The following TENM3 variants were observed in gnomAD, a reference collection of about 807,000 sequenced individuals.
TENM3 encodes the protein teneurin transmembrane protein 3, also known as teneurin-3.
A neutral mutation model predicts 255.1 loss-of-function variants in TENM3; 63 were observed. The ratio of observed to expected loss-of-function variants is 0.25; its 90% CI spans 0.20 to 0.30. The LOEUF (loss-of-function observed/expected upper bound fraction) is 0.30, where lower values mean the gene tolerates loss of function less well. Among genes scored for constraint, TENM3 ranks in the 10% least tolerant of loss-of-function variants. The pLI is 1.00. For missense variants in TENM3, 2,929 were observed against 3,461.1 expected, an observed-to-expected ratio of 0.85 and a Z score of 3.86; for synonymous variants, 1,306 against 1,322.3, an observed-to-expected ratio of 0.99 and a Z score of 0.27.
chr4:182,226,719 T>C (rs1379709974), intron 1 of TENM3, among the ~76,000 whole-genome samples: 1 of 152,154 alleles, frequency 6.6e-6, no homozygotes, highest in Non-Finnish European at 1.5e-5. Flanking sequence ...ACCCAGTCAT[T>C]ACTCCAAATG....
intron 3 of TENM3, among the ~76,000 whole-genome samples, chr4:182,502,182 A>G (rs1320815061): frequency 6.6e-6 from 1 of 152,082 alleles, no homozygotes; most frequent in Non-Finnish European, 1.5e-5. Context: ...TTCCTTGATT[A>G]TATTCTGCTT....
Position 182,222,162 on chromosome 4 carries a change from A to G in TENM3, c.-76+77408A>G, listed in dbSNP as rs150582393. 7.7e-3 allele frequency among the ~76,000 whole-genome samples: 1,168 copies of G among 152,288 alleles called. 6 individuals carry two copies. Among genetic ancestry groups the G allele is most frequent in the Non-Finnish European group, 0.013 (906 of 68,018 alleles). On this transcript the variant is annotated intron_variant, in intron 1 of 2. Transcript: ENST00000512480. Reference sequence around the variant, plus strand: ...GGAGTTTTCTACTGCATTTTTGCCAATTGAATTATGATGTGAGATGGTATG... The same window carrying G: ...GGAGTTTTCTACTGCATTTTTGCCAGTTGAATTATGATGTGAGATGGTATG...
chr4:182,360,271 A>G (rs1765867635), intron 3 of TENM3, among the ~76,000 whole-genome samples: 1 of 126,692 alleles, frequency 7.9e-6, no homozygotes, highest in South Asian at 3.1e-4. Context: ...ATTCCTGGGT[A>G]TCCTTGTTGA....
At chr4:182,671,910 C>T (rs1200623035) in intron 6 of TENM3, among the ~76,000 whole-genome samples, 3 of 151,980 alleles carry the variant, frequency 2.0e-5, no homozygotes, top group Non-Finnish European at 2.9e-5. Context: ...GAGACGAGGT[C>T]TCACTGTGTT....
chr4:182,388,362 A>C (rs1015481895), intron 3 of TENM3, among the ~76,000 whole-genome samples: 2 of 152,214 alleles, frequency 1.3e-5, no homozygotes, highest in African/African-American at 4.8e-5. Context: ...AAAAATAATA[A>C]TATAATAAAC....
the TENM3 span, among the ~76,000 whole-genome samples, chr4:181,823,297 T>C: frequency 1.3e-5 from 2 of 152,152 alleles, no homozygotes; most frequent in Non-Finnish European, 2.9e-5. Context: ...ATTACCTGCG[T>C]TGCCTTCTAA....
chr4:182,385,361 T>C (rs572512359), intron 3 of TENM3, among the ~76,000 whole-genome samples: 39 of 144,796 alleles, frequency 2.7e-4, no homozygotes, highest in African/African-American at 9.7e-4. Flanking sequence ...GCCTCCCAGA[T>C]TCAAGCGATT....
the TENM3 span, among the ~76,000 whole-genome samples, chr4:181,895,104 C>T: frequency 6.6e-6 from 1 of 151,818 alleles, no homozygotes; most frequent in Non-Finnish European, 1.5e-5. Flanking sequence ...AACATTCATT[C>T]ATTTCATTCT....
intron 3 of TENM3, among the ~76,000 whole-genome samples, chr4:182,389,687 G>A (rs1255646043): frequency 8.0e-5 from 2 of 24,898 alleles, no homozygotes; most frequent in Admixed American, 7.3e-4. Context: ...TGCAGTAGAT[G>A]ACTCTTTTTT....
the TENM3 span, among the ~76,000 whole-genome samples, chr4:181,460,132 G>T: frequency 6.6e-6 from 1 of 151,804 alleles, no homozygotes; most frequent in African/African-American, 2.4e-5. Context: ...CAAATACATA[G>T]AAATACAATT....
At chr4:182,133,089 A>C in the TENM3 span, among the ~76,000 whole-genome samples, 1 of 152,204 alleles carries the variant, frequency 6.6e-6, no homozygotes, top group Non-Finnish European at 1.5e-5. Flanking sequence ...ACAACATCAA[A>C]AGAAAGACTT....
intron 2 of TENM3, among the ~76,000 whole-genome samples, chr4:182,345,729 A>C (rs144645872): frequency 3.3e-4 from 51 of 152,318 alleles, no homozygotes; most frequent in African/African-American, 1.2e-3. Flanking sequence ...GTCATTTTAA[A>C]GTGTCACCTA....
At chr4:181,656,125 G>T in the TENM3 span, among the ~76,000 whole-genome samples, 1 of 152,082 alleles carries the variant, frequency 6.6e-6, no homozygotes, top group African/African-American at 2.4e-5. Flanking sequence ...TCATTGTAAC[G>T]GCGAGCCTTG....
intron 1 of TENM3, among the ~76,000 whole-genome samples, chr4:182,159,007 C>T (rs1750906646): frequency 6.6e-6 from 1 of 152,176 alleles, no homozygotes; most frequent in Non-Finnish European, 1.5e-5. Flanking sequence ...TAGAGAAGCC[C>T]TCAAATCCCA....
chr4:182,498,353 C>T (rs921900898), intron 3 of TENM3, among the ~76,000 whole-genome samples: 1 of 152,122 alleles, frequency 6.6e-6, no homozygotes, highest in African/African-American at 2.4e-5. Context: ...TGCACTTCAT[C>T]ATTCGTCTTC....
At chr4:181,933,599 T>C in the TENM3 span, among the ~76,000 whole-genome samples, 1 of 152,210 alleles carries the variant, frequency 6.6e-6, no homozygotes, top group East Asian at 1.9e-4. Context: ...TAGGTCTATC[T>C]AGCATCTTCC....
the TENM3 span, among the ~76,000 whole-genome samples, chr4:181,868,429 T>G: frequency 6.6e-6 from 1 of 152,196 alleles, no homozygotes; most frequent in African/African-American, 2.4e-5. Flanking sequence ...ATTTTCTATT[T>G]ATGTAACAGC....
At chr4:182,769,785 A>T (rs944358740) in intron 22 of TENM3, among the ~76,000 whole-genome samples, 1 of 148,308 alleles carries the variant, frequency 6.7e-6, no homozygotes, top group East Asian at 2.0e-4. Flanking sequence ...CTCTGTCTCA[A>T]AAAATAAATA....
the TENM3 span, among the ~76,000 whole-genome samples, chr4:181,550,504 T>A: frequency 2.0e-5 from 3 of 152,222 alleles, no homozygotes; most frequent in African/African-American, 7.2e-5. Flanking sequence ...TGGTGGTCAA[T>A]GATCGAGTCT....
Sources: gnomAD v4.1 joint callset for allele counts (sites outside exome capture counted in the v4.1 genomes callset) on GRCh38, gnomAD v4.1.1 for gene constraint, MANE v1.5 for transcripts, NCBI Gene and HGNC (gene_info 2026-07-23, HGNC 2026-07-21) for gene names.